MARCHF8: variants seen among roughly 807,000 people sequenced by gnomAD.
MARCHF8 encodes the protein membrane associated ring-CH-type finger 8, also known as E3 ubiquitin-protein ligase MARCHF8.
In MARCHF8, 40 loss-of-function variants were observed where a neutral mutation model predicts 51.6. The observed-to-expected ratio is 0.77, with a 90% CI of 0.60 to 1.01. The LOEUF is 1.01. Among genes scored for constraint, MARCHF8 ranks in the 50% least tolerant of loss-of-function variants. The probability of loss-of-function intolerance (pLI) is 0.00; values close to 1 mark genes in which losing one functional copy is unlikely to be tolerated. For synonymous variants in MARCHF8, 263 were observed against 280.3 expected, an observed-to-expected ratio of 0.94 and a Z score of 0.62; for missense variants, 685 against 708.6, an observed-to-expected ratio of 0.97 and a Z score of 0.38.
chr10:45,592,853 G>GA lies in MARCHF8; in HGVS notation c.-79+1381dup, dbSNP rs1175813188. Among the ~76,000 whole-genome samples, 7 of 152,134 alleles carry GA rather than the reference G, an allele frequency of 4.6e-5. No homozygotes were observed. In the East Asian group the frequency reaches 5.8e-4, roughly 13 times the overall value. ...TACACTTTAATTTCAGACAAACAAC[G>GA]AATCTTTTTTTTAGTACAAGTATGC... is the stretch of plus-strand genomic sequence containing the variant. On this transcript the variant is annotated intron_variant, in intron 1 of 6. Transcript: ENST00000319836.
intron 1 of MARCHF8, among the ~76,000 whole-genome samples, chr10:45,574,608 G>A (rs1213396762): frequency 1.3e-5 from 2 of 152,166 alleles, no homozygotes; most frequent in Non-Finnish European, 2.9e-5. Context: ...AGTCAAGCCA[G>A]TGTTCTTACA....
At chr10:45,479,234 G>C (rs1207148046) in intron 3 of MARCHF8, among the ~76,000 whole-genome samples, 1 of 152,136 alleles carries the variant, frequency 6.6e-6, no homozygotes, top group Non-Finnish European at 1.5e-5. Flanking sequence ...ACAGAATGAA[G>C]GATAAAACCA....
At chr10:45,509,779 G>A (rs2043459662) in intron 2 of MARCHF8, among the ~76,000 whole-genome samples, 1 of 152,096 alleles carries the variant, frequency 6.6e-6, no homozygotes, top group South Asian at 2.1e-4. Context: ...GGGACCTCAA[G>A]AAATGAGGAA....
intron 1 of MARCHF8, among the ~76,000 whole-genome samples, chr10:45,562,468 G>A (rs2044321260): frequency 6.6e-6 from 1 of 152,116 alleles, no homozygotes; most frequent in South Asian, 2.1e-4. Context: ...TAACAAGCCA[G>A]CAGACAGTAG....
At chr10:45,460,690 G>A (rs1274057104) in intron 6 of MARCHF8, among the ~76,000 whole-genome samples, 1 of 152,198 alleles carries the variant, frequency 6.6e-6, no homozygotes, top group Non-Finnish European at 1.5e-5. Flanking sequence ...CCAGACAGCT[G>A]CGTGTCATGC....
rs1437168886 is a variant in MARCHF8, at chr10:45,456,430, C to T, written c.*1809G>A. ...ACTAAGACCTGTGTTGCCAAGGAAT[C>T]AGACACTGGCTTGGAGGAGACAGGA... is the stretch of plus-strand genomic sequence containing the variant. On this transcript the variant is annotated 3_prime_UTR_variant, in exon 8 of 8. Transcript: ENST00000453424. The T allele has an allele frequency of 6.6e-6, 1 of 152,324 alleles. No individual in the cohort carries two copies. Among genetic ancestry groups the T allele is most frequent in the Non-Finnish European group, 1.5e-5 (1 of 68,120 alleles). The allele number at this position is 152,324 out of a possible 1,614,324, so 9.4% of individuals were successfully genotyped here. A position where few individuals can be genotyped will look rare whatever the true frequency, so the allele number is the denominator to read the frequency against.
chr10:45,479,071 T>C (rs2133033598), intron 3 of MARCHF8, among the ~76,000 whole-genome samples: 1 of 152,300 alleles, frequency 6.6e-6, no homozygotes, highest in Middle Eastern at 3.4e-3. Context: ...CCAATATCCC[T>C]GATAGGCATA....
intron 1 of MARCHF8, among the ~76,000 whole-genome samples, chr10:45,568,765 G>A (rs2044395091): frequency 6.9e-6 from 1 of 145,316 alleles, no homozygotes; most frequent in Non-Finnish European, 1.5e-5. Flanking sequence ...TAGCTGGTGA[G>A]CTTTAAAAAA....
intron 2 of MARCHF8, among the ~76,000 whole-genome samples, chr10:45,505,321 A>G (rs1358923360): frequency 6.6e-6 from 1 of 152,194 alleles, no homozygotes; most frequent in Non-Finnish European, 1.5e-5. Flanking sequence ...ATCCTAAAAC[A>G]ATCCCTGTGG....
chr10:45,504,951 A>G (rs2043353323), intron 2 of MARCHF8, among the ~76,000 whole-genome samples: 1 of 152,334 alleles, frequency 6.6e-6, no homozygotes, highest in Middle Eastern at 3.4e-3. Flanking sequence ...GTGGCCCTAC[A>G]TTCTGCATTT....
chr10:45,576,499 C>T (rs2044490545), intron 1 of MARCHF8, among the ~76,000 whole-genome samples: 1 of 152,020 alleles, frequency 6.6e-6, no homozygotes. Context: ...CAAGAAGTAC[C>T]ACCCCCTCAT....
At chr10:45,507,871 A>G (rs2043417168) in intron 2 of MARCHF8, among the ~76,000 whole-genome samples, 1 of 152,046 alleles carries the variant, frequency 6.6e-6, no homozygotes, top group Non-Finnish European at 1.5e-5. Context: ...CAAATATTAC[A>G]CTGATACAAT....
chr10:45,573,488 G>A (rs35001302), intron 1 of MARCHF8, among the ~76,000 whole-genome samples: 9,390 of 152,250 alleles, frequency 0.062, 332 homozygotes, highest in Non-Finnish European at 0.067. Context: ...ACTTGCTTCA[G>A]GTGCCGGAAA....
chr10:45,585,258 T>C (rs1205115010), intron 1 of MARCHF8, among the ~76,000 whole-genome samples: 6 of 152,142 alleles, frequency 3.9e-5, no homozygotes, highest in Non-Finnish European at 8.8e-5. Flanking sequence ...AGAGAAACTC[T>C]TGCCCAAGAG....
chr10:45,466,262 C>T (rs943896135), intron 3 of MARCHF8, among the ~76,000 whole-genome samples: 1 of 152,198 alleles, frequency 6.6e-6, no homozygotes, highest in Non-Finnish European at 1.5e-5. Flanking sequence ...GACATTTAGT[C>T]CTAACACTAT....
At chr10:45,573,922 A>G (rs866529873) in intron 1 of MARCHF8, among the ~76,000 whole-genome samples, 3 of 151,750 alleles carry the variant, frequency 2.0e-5, no homozygotes, top group Admixed American at 1.3e-4. Context: ...TCTTTTAAGC[A>G]CTCCTTTTTA....
intron 2 of MARCHF8, among the ~76,000 whole-genome samples, chr10:45,525,717 G>A (rs761838450): frequency 6.6e-6 from 1 of 152,182 alleles, no homozygotes; most frequent in Non-Finnish European, 1.5e-5. Context: ...TAGTATACTC[G>A]ATCTGTTGTG....
chr10:45,505,211 C>A (rs2043358012), intron 2 of MARCHF8, among the ~76,000 whole-genome samples: 1 of 152,162 alleles, frequency 6.6e-6, no homozygotes, highest in Admixed American at 6.5e-5. Context: ...GAGTTTCCAA[C>A]ACTATTCTCT....
intron 1 of MARCHF8, among the ~76,000 whole-genome samples, chr10:45,554,234 G>T (rs1163743480): frequency 6.6e-6 from 1 of 152,092 alleles, no homozygotes; most frequent in East Asian, 1.9e-4. Context: ...GTATCAATAT[G>T]ATTATGATCA....
Sources: gnomAD v4.1 joint callset for allele counts (sites outside exome capture counted in the v4.1 genomes callset) on GRCh38, gnomAD v4.1.1 for gene constraint, MANE v1.5 for transcripts, NCBI Gene and HGNC (gene_info 2026-07-23, HGNC 2026-07-21) for gene names.